Variants in LYPD6 observed in about 807,000 individuals in gnomAD.
LYPD6 encodes the protein ly6/PLAUR domain-containing protein 6.
A neutral mutation model predicts 22.7 loss-of-function variants in LYPD6; 15 were observed. That is an observed-to-expected ratio of 0.66 (90% CI 0.44 to 1.02). The LOEUF (loss-of-function observed/expected upper bound fraction) is 1.02, where lower values mean the gene tolerates loss of function less well. Ranked by LOEUF, LYPD6 falls within the 50% of genes least tolerant of loss-of-function variation. The pLI is 0.00. For synonymous variants in LYPD6, 72 were observed against 77.5 expected (o/e 0.93, Z 0.37); for missense variants, 189 against 208.4 (o/e 0.91, Z 0.57).
chr2:149,421,624 C>T (rs957061972), intron 1 of LYPD6, among the ~76,000 whole-genome samples: 2 of 152,020 alleles, frequency 1.3e-5, no homozygotes, highest in African/African-American at 4.8e-5. Context: ...ATAGTAAGTG[C>T]TCAATAAACG....
intron 1 of LYPD6, among the ~76,000 whole-genome samples, chr2:149,375,833 G>T (rs1279893837): frequency 4.6e-5 from 7 of 152,172 alleles, no homozygotes; most frequent in Non-Finnish European, 8.8e-5. Flanking sequence ...GGAAGCTGAG[G>T]ACTGGGATAC....
At chr2:149,385,296 C>T (rs1682159166) in intron 1 of LYPD6, among the ~76,000 whole-genome samples, 1 of 152,152 alleles carries the variant, frequency 6.6e-6, no homozygotes, top group Non-Finnish European at 1.5e-5. Context: ...CTCTATTTAA[C>T]ATGTGGCATT....
At chr2:149,330,324 T>TGCCCCACCTGCGCCGGGC (rs1245960905), upstream of LYPD6, 7 of 151,396 alleles carry the variant, frequency 4.6e-5, no homozygotes, top group Non-Finnish European at 5.9e-5. Context: ...GGCGCCCGGG[T>TGCCCCACCTGCGCCGGGC]GCCCCACCTG....
chr2:149,426,150 C>A (rs541028616), intron 1 of LYPD6, among the ~76,000 whole-genome samples: 11 of 152,234 alleles, frequency 7.2e-5, no homozygotes, highest in African/African-American at 1.9e-4. Context: ...CTTTTTCCTA[C>A]AAGAAAAGAG....
chr2:149,430,562 A>G lies in LYPD6; in HGVS notation c.-71-7076A>G, dbSNP rs573668866. On this transcript the variant is annotated intron_variant, in intron 1 of 4. Transcript: ENST00000334166. ...ATTAACTTTTTCAGGCACCTAAGAT[A>G]CCACCATATTAAAAATTAAATCAAG... 2.0e-5 allele frequency among the ~76,000 whole-genome samples: 3 copies of G among 152,342 alleles called. 1 individual carries two copies. The highest frequency in any genetic ancestry group is 2.0e-4 in the Admixed American group (3 of 15,300).
intron 1 of LYPD6, among the ~76,000 whole-genome samples, chr2:149,396,007 A>G (rs543201310): frequency 3.3e-5 from 5 of 152,272 alleles, no homozygotes; most frequent in Non-Finnish European, 5.9e-5. Flanking sequence ...GTTTTACTTC[A>G]TAATGTTTTA....
chr2:149,336,243 T>G (rs1681032606), intron 1 of LYPD6, among the ~76,000 whole-genome samples: 1 of 152,164 alleles, frequency 6.6e-6, no homozygotes, highest in African/African-American at 2.4e-5. Flanking sequence ...TGTAAATGCT[T>G]ATGGGTGATA....
intron 1 of LYPD6, among the ~76,000 whole-genome samples, chr2:149,360,561 A>G (rs1461114793): frequency 6.7e-6 from 1 of 150,174 alleles, no homozygotes; most frequent in African/African-American, 2.4e-5. Context: ...TCTCACATCT[A>G]TCTTTGCTTC....
At chr2:149,419,905 A>G (rs778337085) in intron 1 of LYPD6, among the ~76,000 whole-genome samples, 1 of 152,162 alleles carries the variant, frequency 6.6e-6, no homozygotes, top group Non-Finnish European at 1.5e-5. Context: ...CAGTGTAACT[A>G]CAGAAATTGT....
intron 1 of LYPD6, among the ~76,000 whole-genome samples, chr2:149,351,960 T>G (rs1435321628): frequency 6.6e-6 from 1 of 152,040 alleles, no homozygotes; most frequent in Non-Finnish European, 1.5e-5. Flanking sequence ...TGTGGTGAGC[T>G]GCCCCTGCCC....
intron 1 of LYPD6, among the ~76,000 whole-genome samples, chr2:149,422,525 G>A (rs1039397609): frequency 6.6e-6 from 1 of 152,114 alleles, no homozygotes; most frequent in African/African-American, 2.4e-5. Flanking sequence ...ACACCCATTT[G>A]AAATATGTGT....
rs944945489 is a variant in LYPD6 at position 149,473,717 on chromosome 2, A to G, written c.*2867A>G. 1 of 152,200 alleles carries G rather than the reference A, an allele frequency of 6.6e-6. No individual in the cohort carries two copies. The highest frequency in any genetic ancestry group is 6.5e-5 in the Admixed American group (1 of 15,284). The allele number at this position is 152,200 out of a possible 1,614,324, so 9.4% of individuals were successfully genotyped here. The stretch of plus-strand genomic sequence containing the variant: ...GGCACTGGGCTTAGCACCACAGGGA[A>G]CTTCCTTCCAGAGGCTTGCTTTCTA... On this transcript the variant is annotated 3_prime_UTR_variant, in exon 5 of 5. Coordinates refer to ENST00000334166, the MANE Select transcript of LYPD6 (RefSeq NM_194317.5).
At chr2:149,467,054 A>T (rs1681217006) in intron 3 of LYPD6, among the ~76,000 whole-genome samples, 1 of 152,234 alleles carries the variant, frequency 6.6e-6, no homozygotes, top group South Asian at 2.1e-4. Context: ...TTAAGGCTTA[A>T]AAAAGAGGAG....
At chr2:149,423,009 GA>G (rs1271111815) in intron 1 of LYPD6, among the ~76,000 whole-genome samples, 2 of 152,032 alleles carry the variant, frequency 1.3e-5, no homozygotes, top group Admixed American at 6.6e-5. Context: ...ATACTTATTT[GA>G]TTATTGGAAT....
At position 149,415,319 on chromosome 2, in the gene LYPD6, G is replaced by C; in HGVS notation, c.-71-22319G>C. 1.3e-5 allele frequency among the ~76,000 whole-genome samples: 2 copies of C among 152,176 alleles called. 1 individual carries two copies. Among genetic ancestry groups the C allele is most frequent in the Non-Finnish European group, 2.9e-5 (2 of 68,030 alleles). On this transcript the variant is annotated intron_variant, in intron 1 of 4. Transcript: ENST00000334166. ...TGGCTGCCAAACCTCAGTTCCTGGA[G>C]AGAGAGCAGAGGGAGTAGTATAGAT... is the stretch of plus-strand genomic sequence containing the variant.
intron 3 of LYPD6, among the ~76,000 whole-genome samples, chr2:149,450,530 T>C (rs1346645770): frequency 5.3e-5 from 8 of 152,168 alleles, no homozygotes; most frequent in Admixed American, 2.0e-4. Context: ...GAGATGATAA[T>C]AGGGCCTACA....
chr2:149,406,802 T>C (rs1271099325), intron 1 of LYPD6, among the ~76,000 whole-genome samples: 10 of 152,304 alleles, frequency 6.6e-5, no homozygotes, highest in Admixed American at 3.9e-4. Context: ...TTTTGCTCGT[T>C]AGTTGATGCA....
At chr2:149,343,504 G>T (rs1681200146) in intron 1 of LYPD6, among the ~76,000 whole-genome samples, 1 of 152,138 alleles carries the variant, frequency 6.6e-6, no homozygotes, top group African/African-American at 2.4e-5. Context: ...AGCCTTAGAA[G>T]ATCACTGTTA....
chr2:149,411,678 AT>A (rs1162352833), intron 1 of LYPD6, among the ~76,000 whole-genome samples: 1 of 152,204 alleles, frequency 6.6e-6, no homozygotes, highest in African/African-American at 2.4e-5. Flanking sequence ...CTAGCATGGA[AT>A]TAAGCATATT....
Sources: gnomAD v4.1 joint callset for allele counts (sites outside exome capture counted in the v4.1 genomes callset) on GRCh38, gnomAD v4.1.1 for gene constraint, MANE v1.5 for transcripts, NCBI Gene and HGNC (gene_info 2026-07-23, HGNC 2026-07-21) for gene names.